The following ITGBL1 variants were observed in gnomAD, a reference collection of about 807,000 sequenced individuals.
ITGBL1 encodes the protein integrin beta-like protein 1.
ITGBL1 carries 51 observed loss-of-function variants against 68.5 expected under a neutral mutation model. The ratio of observed to expected loss-of-function variants is 0.74; its 90% CI spans 0.59 to 0.94. ITGBL1 has a LOEUF of 0.94. ITGBL1 is among the 40% of genes least tolerant of loss of function. ITGBL1 has a pLI of 0.00. For synonymous variants in ITGBL1, 209 were observed against 227.3 expected (o/e 0.92, Z 0.72); for missense variants, 649 against 647.4 (o/e 1.00, Z -0.03).
At chr13:101,501,329 G>T (rs2048937291) in intron 2 of ITGBL1, among the ~76,000 whole-genome samples, 1 of 152,166 alleles carries the variant, frequency 6.6e-6, no homozygotes, top group South Asian at 2.1e-4. Flanking sequence ...CCATAGTATG[G>T]AGAGTGACTG....
chr13:101,701,028 T>A (rs2034124582), intron 8 of ITGBL1, among the ~76,000 whole-genome samples: 1 of 152,230 alleles, frequency 6.6e-6, no homozygotes, highest in African/African-American at 2.4e-5. Context: ...TATTCTAAGC[T>A]GTTAATACAA....
chr13:101,668,882 T>C (rs1167928259), intron 7 of ITGBL1, among the ~76,000 whole-genome samples: 1 of 152,162 alleles, frequency 6.6e-6, no homozygotes, highest in Non-Finnish European at 1.5e-5. Flanking sequence ...TATATTTGGA[T>C]CTATTAAAAA....
intron 8 of ITGBL1, among the ~76,000 whole-genome samples, chr13:101,696,412 G>T (rs1294385824): frequency 6.6e-6 from 1 of 152,182 alleles, no homozygotes; most frequent in African/African-American, 2.4e-5. Flanking sequence ...TGCTTGTCTT[G>T]ACCAGTTGTC....
chr13:101,528,550 C>G (rs1273717987), intron 2 of ITGBL1, among the ~76,000 whole-genome samples: 2 of 151,634 alleles, frequency 1.3e-5, no homozygotes, highest in Admixed American at 1.3e-4. Context: ...AAGGAGAACT[C>G]TTAGATCATT....
At chr13:101,476,877 T>C (rs988417526) in intron 2 of ITGBL1, among the ~76,000 whole-genome samples, 5 of 152,218 alleles carry the variant, frequency 3.3e-5, no homozygotes, top group African/African-American at 1.2e-4. Context: ...AAGTGAGAGA[T>C]AGACCCCAAT....
chr13:101,653,510 A>T (rs2032819197), intron 7 of ITGBL1, among the ~76,000 whole-genome samples: 1 of 152,224 alleles, frequency 6.6e-6, no homozygotes, highest in Non-Finnish European at 1.5e-5. Flanking sequence ...AATATATGTT[A>T]GGTACATATG....
intron 2 of ITGBL1, among the ~76,000 whole-genome samples, chr13:101,543,713 G>A (rs554312036): frequency 6.6e-5 from 10 of 152,054 alleles, no homozygotes; most frequent in Admixed American, 2.6e-4. Context: ...CGCAGATTTG[G>A]GCTTTTCACA....
At chr13:101,594,323 C>T (rs1016845545) in intron 6 of ITGBL1, among the ~76,000 whole-genome samples, 5 of 152,038 alleles carry the variant, frequency 3.3e-5, no homozygotes, top group African/African-American at 1.2e-4. Context: ...CAAGAACACA[C>T]AATAGGGAAA....
At chr13:101,706,622 A>T (rs2034268679) in intron 8 of ITGBL1, 134 bp from the exon 9 acceptor site, 3 of 831,880 alleles carry the variant, frequency 3.6e-6, no homozygotes, top group Non-Finnish European at 3.6e-6. Context: ...TACATGCCAA[A>T]TTGACTATGC....
At chr13:101,699,642 C>T (rs965437506) in intron 8 of ITGBL1, among the ~76,000 whole-genome samples, 2 of 152,160 alleles carry the variant, frequency 1.3e-5, no homozygotes, top group African/African-American at 2.4e-5. Context: ...TGAGGCCTCC[C>T]CAGTCATGCA....
At chr13:101,632,426 A>G (rs1594942683) in intron 7 of ITGBL1, among the ~76,000 whole-genome samples, 2 of 152,226 alleles carry the variant, frequency 1.3e-5, no homozygotes, top group Non-Finnish European at 2.9e-5. Context: ...GTTAGGCTGT[A>G]AAGCCCAGAA....
rs182116331 is a variant in ITGBL1 at position 101,573,428 on chromosome 13, C to G, written c.464-1996C>G. Among the ~76,000 whole-genome samples the G allele has an allele frequency of 1.5e-3, 223 of 152,188 alleles. 1 individual carries two copies. Among genetic ancestry groups the G allele is most frequent in the African/African-American group, 4.7e-3 (197 of 41,542 alleles). On this transcript the variant is annotated intron_variant, in intron 3 of 10. Transcript: ENST00000376180. ...AGTGACTTGCAAGTGATCTGGGTAA[C>G]AGAATCATGCAGAGGATATGAAAAC...
At chr13:101,454,399 T>G (rs2048210520) in intron 2 of ITGBL1, among the ~76,000 whole-genome samples, 1 of 135,892 alleles carries the variant, frequency 7.4e-6, no homozygotes, top group Non-Finnish European at 1.7e-5. Context: ...CCCTGGCTGG[T>G]CCCCCCCCCC....
chr13:101,494,869 A>G (rs1008297829), intron 2 of ITGBL1, among the ~76,000 whole-genome samples: 1 of 152,228 alleles, frequency 6.6e-6, no homozygotes, highest in Non-Finnish European at 1.5e-5. Flanking sequence ...TGATATTATA[A>G]GCGCTTTTCT....
chr13:101,630,872 G>T (rs2031955393), intron 7 of ITGBL1, among the ~76,000 whole-genome samples: 1 of 151,968 alleles, frequency 6.6e-6, no homozygotes. Flanking sequence ...TGTTTAATTG[G>T]AGCTATATCT....
chr13:101,610,245 C>T (rs986768727), intron 7 of ITGBL1, among the ~76,000 whole-genome samples: 3 of 152,090 alleles, frequency 2.0e-5, no homozygotes, highest in African/African-American at 7.2e-5. Flanking sequence ...TTATGGGAAA[C>T]AATTTGCTCT....
intron 7 of ITGBL1, among the ~76,000 whole-genome samples, chr13:101,620,076 C>A (rs2031524070): frequency 6.6e-6 from 1 of 152,090 alleles, no homozygotes; most frequent in Admixed American, 6.6e-5. Flanking sequence ...GTCGTTTAAT[C>A]AATTTTTCTA....
At chr13:101,520,811 G>C (rs949466266) in intron 2 of ITGBL1, among the ~76,000 whole-genome samples, 1 of 152,164 alleles carries the variant, frequency 6.6e-6, no homozygotes, top group Non-Finnish European at 1.5e-5. Context: ...ACAAAGCCAA[G>C]GGGCCTAAAG....
chr13:101,521,870 A>G (rs539587345), intron 2 of ITGBL1, among the ~76,000 whole-genome samples: 1 of 151,544 alleles, frequency 6.6e-6, no homozygotes. Flanking sequence ...AGCAACAGAA[A>G]TTCATTTTCT....
Sources: allele counts gnomAD v4.1 joint callset (sites outside exome capture counted in the v4.1 genomes callset), GRCh38; gene constraint gnomAD v4.1.1; transcripts MANE v1.5; gene names NCBI Gene and HGNC (gene_info 2026-07-23, HGNC 2026-07-21).